The following SRP72 variants were observed in gnomAD, a reference collection of about 807,000 sequenced individuals.
SRP72 encodes the protein signal recognition particle subunit SRP72.
In SRP72, 49 loss-of-function variants were observed where a neutral mutation model predicts 96.3. The ratio of observed to expected loss-of-function variants is 0.51; its 90% CI spans 0.40 to 0.65. The LOEUF (loss-of-function observed/expected upper bound fraction) is 0.65, where lower values mean the gene tolerates loss of function less well. SRP72 is among the 30% of genes least tolerant of loss of function. The probability of loss-of-function intolerance (pLI) is 0.00; values close to 1 mark genes in which losing one functional copy is unlikely to be tolerated. For missense variants in SRP72, 736 were observed against 793.3 expected (o/e 0.93, Z 0.87); for synonymous variants, 267 against 275.2 (o/e 0.97, Z 0.30).
chr4:56,471,834 T>C lies in SRP72; in HGVS notation c.345T>C (p.Tyr115=). 2 of 1,613,878 alleles carry C rather than the reference T, an allele frequency of 1.2e-6. No homozygotes were observed. The highest frequency in any genetic ancestry group is 1.7e-6 in the Non-Finnish European group (2 of 1,179,912). ...AGACAGACAAACTGAAGGAGCTTTA[T>C]GGACAAGTGGTAATTACTGCTTTTA... The part of the protein sequence containing the change: ...NQQTDKLKEL[Y]GQVLYRLERY... The change falls in exon 3 of 19, where the codon TAT becomes TAC. Residue 115 remains tyrosine (Y), a synonymous_variant. Coordinates refer to ENST00000642900, the MANE Select transcript of SRP72 (RefSeq NM_006947.4).
intron 1 of SRP72, among the ~76,000 whole-genome samples, chr4:56,469,356 G>C (rs949351221): frequency 1.3e-5 from 2 of 152,132 alleles, no homozygotes; most frequent in African/African-American, 4.8e-5. Context: ...TGGAGAAATT[G>C]CTTCTTTCTT....
intron 17 of SRP72, among the ~76,000 whole-genome samples, chr4:56,499,287 C>CCTAGG (rs1007946445): frequency 6.6e-6 from 1 of 152,142 alleles, no homozygotes; most frequent in African/African-American, 2.4e-5. Context: ...TAGAAGAAAA[C>CCTAGG]CTAGGCAATA....
chr4:56,500,457 A>G (rs911110361), intron 17 of SRP72, 79 bp from the exon 18 acceptor site: 12 of 1,336,674 alleles, frequency 9.0e-6, no homozygotes, highest in African/African-American at 1.5e-5. Context: ...ATTTATTCCC[A>G]GGCTTAGAGA....
At chr4:56,474,436 A>G in intron 5 of SRP72, 45 bp downstream of exon 5, 8 of 1,505,488 alleles carry the variant, frequency 5.3e-6, no homozygotes, top group Non-Finnish European at 7.3e-6. Context: ...CGTGCATATA[A>G]CTTTGTAGAG....
intron 1 of SRP72, 84 bp downstream of exon 1, chr4:56,467,828 G>T: frequency 7.8e-7 from 1 of 1,275,516 alleles, no homozygotes; most frequent in Non-Finnish European, 1.0e-6. Context: ...CACCTCGCGC[G>T]GGAGGCACGG....
intron 10 of SRP72, among the ~76,000 whole-genome samples, chr4:56,485,404 A>G (rs1231225637): frequency 1.3e-5 from 2 of 150,156 alleles, no homozygotes; most frequent in Admixed American, 6.6e-5. Flanking sequence ...CCACAGCAAA[A>G]AAAAAAAAAA....
chr4:56,500,334 C>A, intron 17 of SRP72: 1 of 505,102 alleles, frequency 2.0e-6, no homozygotes, highest in Non-Finnish European at 3.4e-6. Context: ...CCTGCACGTT[C>A]TGCGCATGTA....
intron 17 of SRP72, among the ~76,000 whole-genome samples, chr4:56,498,067 T>G (rs1721139815): frequency 6.6e-6 from 1 of 152,194 alleles, no homozygotes; most frequent in Non-Finnish European, 1.5e-5. Context: ...TTATATAGTT[T>G]GTATTTTAAA....
chr4:56,495,436 A>T, intron 17 of SRP72, 42 bp downstream of exon 17: 1 of 1,349,038 alleles, frequency 7.4e-7, no homozygotes, highest in Non-Finnish European at 1.0e-6. Flanking sequence ...CTCCAAAATA[A>T]ATGTTTGATT....
At chr4:56,488,459 G>A (rs1051997166) in intron 12 of SRP72, among the ~76,000 whole-genome samples, 2 of 152,134 alleles carry the variant, frequency 1.3e-5, no homozygotes, top group African/African-American at 2.4e-5. Flanking sequence ...GGTAGTATGT[G>A]CATCTTTTGG....
intron 9 of SRP72, among the ~76,000 whole-genome samples, chr4:56,483,973 T>C (rs1395351894): frequency 6.6e-6 from 1 of 151,482 alleles, no homozygotes; most frequent in Non-Finnish European, 1.5e-5. Context: ...ATTCTAATTC[T>C]AATTTTATAC....
chr4:56,474,950 G>T (rs1401477761), intron 5 of SRP72, among the ~76,000 whole-genome samples: 2 of 152,170 alleles, frequency 1.3e-5, no homozygotes. Context: ...CTCCTAAAGT[G>T]CTGGGATTAC....
intron 9 of SRP72, among the ~76,000 whole-genome samples, chr4:56,484,322 C>T (rs758302588): frequency 8.6e-5 from 13 of 152,018 alleles, no homozygotes; most frequent in Non-Finnish European, 1.5e-4. Context: ...GCATGAGCCA[C>T]CACGCCCGGC....
chr4:56,502,855 T>C lies in SRP72; in HGVS notation c.*994T>C, dbSNP rs1721316112. ...ATGGATTTTGACCATTGATTACCTT[T>C]CTCAATGTAATGAAGTATTTTACAG... is the stretch of plus-strand genomic sequence containing the variant. On this transcript the variant is annotated 3_prime_UTR_variant, in exon 19 of 19. Transcript: ENST00000642900. 1 of 152,174 alleles carries C rather than the reference T, an allele frequency of 6.6e-6. No homozygotes were observed. The highest frequency in any genetic ancestry group is 2.4e-5 in the African/African-American group (1 of 41,458). The allele number at this position is 152,174 out of a possible 1,614,324, so 9.4% of individuals were successfully genotyped here.
chr4:56,491,548 T>C lies in SRP72; in HGVS notation c.1620T>C (p.Asp540=). ...AGAAGGGTGGAAAAGTTACTGGAGA[T>C]AGTCAACCAAAGGAACAAGGGTAAT... ...IRKKGGKVTG[D]SQPKEQGQGD... Residue 540 remains aspartate, a synonymous_variant, in exon 16 of 19, where the codon GAT becomes GAC. Coordinates refer to ENST00000642900, the MANE Select transcript of SRP72 (RefSeq NM_006947.4). 1 of 1,613,890 alleles carries C rather than the reference T, an allele frequency of 6.2e-7. No homozygotes were observed.
At chr4:56,469,877 T>G in intron 2 of SRP72, 104 bp downstream of exon 2, 2 of 1,170,634 alleles carry the variant, frequency 1.7e-6, no homozygotes, top group Non-Finnish European at 2.3e-6. Context: ...TTTTTAACGT[T>G]TTTTTCCTTC....
At position 56,471,574 on chromosome 4, in the gene SRP72, A is replaced by G. The variant is rs1202887100; in HGVS notation, c.231-146A>G. 1.1e-5 allele frequency: 9 copies of G among 801,394 alleles called. No homozygotes were observed. In the South Asian group the frequency reaches 2.1e-4, roughly 19 times the overall value. 49.6% of individuals were successfully genotyped at this position (801,394 alleles called of 1,614,324 possible). On this transcript the variant is annotated intron_variant, in intron 2 of 18. Coordinates refer to ENST00000642900, the MANE Select transcript of SRP72 (RefSeq NM_006947.4). ...TTTGATTGATATACATTTACAAGCT[A>G]TCTGATATTTAGACAAGTCTCTAAC...
intron 16 of SRP72, among the ~76,000 whole-genome samples, chr4:56,494,407 C>CTTTTTTTTTTTT (rs56291298): frequency 7.2e-6 from 1 of 138,220 alleles, no homozygotes; most frequent in African/African-American, 2.7e-5. Context: ...TTTCAGAATG[C>CTTTTTTTTTTTT]TTTTTTTTTT....
chr4:56,481,956 GT>G (rs1484503967), intron 8 of SRP72, among the ~76,000 whole-genome samples: 2 of 150,528 alleles, frequency 1.3e-5, no homozygotes, highest in Non-Finnish European at 3.0e-5. Flanking sequence ...AGAGATGGGG[GT>G]TTCACCATGT....
Sources: allele counts gnomAD v4.1 joint callset (sites outside exome capture counted in the v4.1 genomes callset), GRCh38; gene constraint gnomAD v4.1.1; transcripts MANE v1.5; gene names NCBI Gene and HGNC (gene_info 2026-07-23, HGNC 2026-07-21).